Variants in EFR3A observed in about 807,000 individuals in gnomAD.
The protein encoded by EFR3A is protein EFR3 homolog A.
EFR3A carries 76 observed loss-of-function variants against 104.4 expected under a neutral mutation model. That is an observed-to-expected ratio of 0.73 (90% CI 0.60 to 0.88). EFR3A has a LOEUF of 0.88. EFR3A is among the 40% of genes least tolerant of loss of function. The pLI, the probability that EFR3A is intolerant of heterozygous loss-of-function variation, is 0.00. For missense variants in EFR3A, 985 were observed against 1,012.5 expected (o/e 0.97, Z 0.37); for synonymous variants, 330 against 330.0 (o/e 1.00, Z 0.00).
chr8:131,934,033 G>T (rs1817747346), intron 1 of EFR3A, among the ~76,000 whole-genome samples: 1 of 151,856 alleles, frequency 6.6e-6, no homozygotes, highest in African/African-American at 2.4e-5. Flanking sequence ...AAGGAGAGAA[G>T]GTATACGATT....
At chr8:131,960,919 G>A (rs914786955) in intron 8 of EFR3A, among the ~76,000 whole-genome samples, 1 of 152,126 alleles carries the variant, frequency 6.6e-6, no homozygotes, top group Admixed American at 6.5e-5. Context: ...TCACTGTTCT[G>A]CAGCCTCCGC....
intron 15 of EFR3A, 133 bp downstream of exon 15, chr8:131,984,433 C>T (rs1315357696): frequency 6.1e-6 from 5 of 818,226 alleles, no homozygotes; most frequent in Non-Finnish European, 9.2e-6. Flanking sequence ...ATACTCAAGA[C>T]TATGACTACA....
chr8:131,985,331 G>C (rs1820820697), intron 16 of EFR3A, among the ~76,000 whole-genome samples: 1 of 152,090 alleles, frequency 6.6e-6, no homozygotes, highest in Non-Finnish European at 1.5e-5. Flanking sequence ...TTTATTCTAT[G>C]ACTTTTTTCC....
chr8:131,963,918 T>TA lies in EFR3A; in HGVS notation c.855+4256dup, dbSNP rs556653734. Among the ~76,000 whole-genome samples the TA allele has an allele frequency of 1.8e-3, 279 of 152,292 alleles. 2 individuals are homozygous for TA. Among genetic ancestry groups the TA allele is most frequent in the African/African-American group, 6.5e-3 (271 of 41,562 alleles). On this transcript the variant is annotated intron_variant, in intron 8 of 22. Coordinates refer to ENST00000254624, the MANE Select transcript of EFR3A (RefSeq NM_015137.6). ...CCTGGGATGCAAGGCTGGTTCAACA[T>TA]ACGCAAATCGATAAATGTAATCCAG...
intron 22 of EFR3A, among the ~76,000 whole-genome samples, chr8:132,006,337 AAGAG>A (rs763896140): frequency 3.3e-5 from 5 of 152,126 alleles, no homozygotes; most frequent in African/African-American, 1.2e-4. Flanking sequence ...AAGGAAGAAA[AAGAG>A]AGAAAACACA....
chr8:131,954,387 C>T (rs1818870864), intron 6 of EFR3A, among the ~76,000 whole-genome samples: 1 of 151,826 alleles, frequency 6.6e-6, no homozygotes, highest in African/African-American at 2.4e-5. Flanking sequence ...ATAATAATAG[C>T]TACCCACACT....
At chr8:131,962,115 G>A (rs979742728) in intron 8 of EFR3A, among the ~76,000 whole-genome samples, 1 of 152,182 alleles carries the variant, frequency 6.6e-6, no homozygotes, top group Non-Finnish European at 1.5e-5. Flanking sequence ...ATGCCAAATT[G>A]TAAAGACCAT....
At chr8:131,962,457 CAAAG>C (rs1009208835) in intron 8 of EFR3A, among the ~76,000 whole-genome samples, 6 of 152,092 alleles carry the variant, frequency 3.9e-5, no homozygotes, top group African/African-American at 1.4e-4. Flanking sequence ...TCAAAAGAAA[CAAAG>C]AAGGCTATTA....
At chr8:131,996,297 C>A in intron 18 of EFR3A, 109 bp from the exon 19 acceptor site, 1 of 637,808 alleles carries the variant, frequency 1.6e-6, no homozygotes, top group Non-Finnish European at 2.5e-6. Context: ...AAAAGACAAA[C>A]TGTCTGAATT....
chr8:131,961,727 C>T (rs572876403), intron 8 of EFR3A, among the ~76,000 whole-genome samples: 4 of 152,030 alleles, frequency 2.6e-5, no homozygotes, highest in South Asian at 2.1e-4. Context: ...AGATACTCCT[C>T]GAGAAGAGCA....
At chr8:131,915,170 T>G (rs1277866517) in intron 1 of EFR3A, among the ~76,000 whole-genome samples, 1 of 152,194 alleles carries the variant, frequency 6.6e-6, no homozygotes, top group Non-Finnish European at 1.5e-5. Flanking sequence ...GTTGGCTACT[T>G]GTAAAAAGTT....
chr8:131,967,869 ACTGTG>A (rs1563674199), intron 8 of EFR3A, among the ~76,000 whole-genome samples: 1 of 150,574 alleles, frequency 6.6e-6, no homozygotes, highest in Non-Finnish European at 1.5e-5. Flanking sequence ...ATGGGAAAAT[ACTGTG>A]AATGTCATAA....
intron 19 of EFR3A, among the ~76,000 whole-genome samples, chr8:131,996,933 G>A (rs1160965236): frequency 2.6e-5 from 4 of 152,064 alleles, no homozygotes; most frequent in Non-Finnish European, 2.9e-5. Context: ...GACTACCTTT[G>A]AAAAGTTTTA....
intron 18 of EFR3A, among the ~76,000 whole-genome samples, chr8:131,994,105 C>T (rs193131536): frequency 3.7e-4 from 56 of 152,084 alleles, no homozygotes; most frequent in African/African-American, 1.3e-3. Flanking sequence ...TAACTGGGCA[C>T]GGTGGCACAT....
Position 131,940,544 on chromosome 8 carries a change from T to G in EFR3A, c.56T>G (p.Leu19Arg), listed in dbSNP as rs1305439544. Reference sequence around the variant, plus strand: ...GCTTTGCGTCCTCGCTACAAACGCCTGGTGGACAACATATTCCCTGAAGAT... The same window carrying G: ...GCTTTGCGTCCTCGCTACAAACGCCGGGTGGACAACATATTCCCTGAAGAT... ...CSALRPRYKR[L>R]VDNIFPEDPK... Residue 19 changes from leucine (L) to arginine (R), a missense_variant, in exon 2 of 23, where the codon CTG (leucine) becomes CGG (arginine). Coordinates refer to ENST00000254624, the MANE Select transcript of EFR3A (RefSeq NM_015137.6). The G allele has an allele frequency of 6.2e-7, 1 of 1,609,154 alleles. No homozygotes were observed.
intron 2 of EFR3A, among the ~76,000 whole-genome samples, chr8:131,943,774 G>C (rs575720059): frequency 1.3e-5 from 2 of 151,926 alleles, no homozygotes; most frequent in African/African-American, 4.8e-5. Context: ...AGTTACACCT[G>C]GTTAAGATCT....
chr8:131,975,278 A>G (rs1820265811), intron 10 of EFR3A, among the ~76,000 whole-genome samples: 1 of 152,204 alleles, frequency 6.6e-6, no homozygotes, highest in Non-Finnish European at 1.5e-5. Flanking sequence ...AAACCAGAGT[A>G]GTGACTAATT....
chr8:131,990,996 G>C (rs78556407), intron 18 of EFR3A, among the ~76,000 whole-genome samples: 6,893 of 152,136 alleles, frequency 0.045, 217 homozygotes, highest in Non-Finnish European at 0.067. Context: ...TGGTGTATTA[G>C]TCCATTTTCA....
At position 131,970,572 on chromosome 8, in the gene EFR3A, G is replaced by C; in HGVS notation, c.1088G>C (p.Ser363Thr). The change falls in exon 10 of 23, where the codon AGT becomes ACT. Residue 363 changes from serine to threonine, a missense_variant. Transcript: ENST00000254624. ...ANDLQGGSVG[S>T]VNLNTSSKDN... ...GATTTACAGGGGGGATCTGTAGGCAGTGTCAACTTAAATACAAGTTCCAAA... is the reference window on the plus strand; with the variant it reads ...GATTTACAGGGGGGATCTGTAGGCACTGTCAACTTAAATACAAGTTCCAAA... 6.2e-7 allele frequency: 1 copy of C among 1,613,850 alleles called. No individual in the cohort carries two copies. Among genetic ancestry groups the C allele is most frequent in the Non-Finnish European group, 8.5e-7 (1 of 1,179,786 alleles).
Sources: allele counts gnomAD v4.1 joint callset (sites outside exome capture counted in the v4.1 genomes callset), GRCh38; gene constraint gnomAD v4.1.1; transcripts MANE v1.5; gene names NCBI Gene and HGNC (gene_info 2026-07-23, HGNC 2026-07-21).